The following ADORA2B variants were observed in gnomAD, a reference collection of about 807,000 sequenced individuals.
ADORA2B encodes adenosine receptor A2b.
A neutral mutation model predicts 20.8 loss-of-function variants in ADORA2B; 18 were observed. The observed-to-expected ratio is 0.87, with a 90% CI of 0.60 to 1.29. The LOEUF (loss-of-function observed/expected upper bound fraction) is 1.29. Among genes scored for constraint, ADORA2B ranks in the 50% most tolerant of loss-of-function variants. ADORA2B has a pLI of 0.00. For synonymous variants in ADORA2B, 179 were observed against 178.3 expected, an observed-to-expected ratio of 1.00 and a Z score of -0.03; for missense variants, 441 against 422.7, an observed-to-expected ratio of 1.04 and a Z score of -0.38.
In ADORA2B at chr17:15,975,461, G is replaced by A; in HGVS notation, c.*119G>A. The A allele has an allele frequency of 9.5e-7, 1 of 1,050,028 alleles. No homozygotes were observed. The highest frequency in any genetic ancestry group is 2.5e-5 in the Admixed American group (1 of 40,174). 65.0% of individuals were successfully genotyped at this position (1,050,028 alleles called of 1,614,324 possible). ...CAAGGAAATGGACTGCCTCTCTTGA[G>A]CACTTCCCTGGAGCTACCACGTATC... On this transcript the variant is annotated 3_prime_UTR_variant, in exon 2 of 2. Transcript: ENST00000304222.
At chr17:15,909,187 A>G in the ADORA2B span, among the ~76,000 whole-genome samples, 3 of 126,264 alleles carry the variant, frequency 2.4e-5, no homozygotes, top group African/African-American at 1.2e-4. Flanking sequence ...GAGCGAGACT[A>G]CGTCTCTAAA....
the ADORA2B span, among the ~76,000 whole-genome samples, chr17:15,902,095 C>A: frequency 6.6e-6 from 1 of 152,276 alleles, no homozygotes; most frequent in African/African-American, 2.4e-5. Flanking sequence ...TCTGACTACT[C>A]TAGTACCTCA....
chr17:15,912,988 A>G, the ADORA2B span, among the ~76,000 whole-genome samples: 4 of 152,204 alleles, frequency 2.6e-5, no homozygotes, highest in South Asian at 4.1e-4. Context: ...GATTCGTCAG[A>G]TGGTGATGGA....
At chr17:15,892,524 C>T in the ADORA2B span, among the ~76,000 whole-genome samples, 2 of 152,096 alleles carry the variant, frequency 1.3e-5, no homozygotes, top group African/African-American at 2.4e-5. Flanking sequence ...TCAAGTGATC[C>T]GACTGACTCG....
chr17:15,947,221 C>T (rs981538262), intron 1 of ADORA2B, among the ~76,000 whole-genome samples: 1 of 152,146 alleles, frequency 6.6e-6, no homozygotes, highest in Non-Finnish European at 1.5e-5. Flanking sequence ...TTGGTGTCAT[C>T]GTTGTTACTT....
At chr17:15,867,678 C>T in the ADORA2B span, among the ~76,000 whole-genome samples, 4 of 148,176 alleles carry the variant, frequency 2.7e-5, no homozygotes, top group African/African-American at 7.6e-5. Flanking sequence ...GTGGGGAGGT[C>T]AGCCCCCCGC....
At chr17:15,880,266 G>A in the ADORA2B span, among the ~76,000 whole-genome samples, 6,751 of 129,626 alleles carry the variant, frequency 0.052, 732 homozygotes, top group African/African-American at 0.19. Context: ...AGATTATGTC[G>A]AACCATACAT....
the ADORA2B span, among the ~76,000 whole-genome samples, chr17:15,932,826 A>G: frequency 6.6e-6 from 1 of 152,150 alleles, no homozygotes; most frequent in Non-Finnish European, 1.5e-5. Context: ...TTATGCCAGC[A>G]CCACATTGTG....
the ADORA2B span, among the ~76,000 whole-genome samples, chr17:15,885,888 A>T: frequency 6.6e-6 from 1 of 152,014 alleles, no homozygotes; most frequent in South Asian, 2.1e-4. Context: ...TGCTTTAATG[A>T]GAGAAGGAGG....
rs373591051 is a variant in ADORA2B, at chr17:15,974,853, G to C, written c.510G>C (p.Lys170Asn). 23 of 1,614,044 alleles carry C rather than the reference G, an allele frequency of 1.4e-5. No individual in the cohort carries two copies. In the African/African-American group the frequency reaches 2.8e-4, roughly 20 times the overall value. The change falls in exon 2 of 2, where the codon AAG becomes AAC. Residue 170 changes from lysine to asparagine, a missense_variant. By Grantham distance (94) the Lys-to-Asn change is moderately conservative. Coordinates refer to ENST00000304222, the MANE Select transcript of ADORA2B (RefSeq NM_000676.4). The stretch of plus-strand genomic sequence containing the variant: ...CGAATGAAAGCTGCTGCCTTGTGAA[G>C]TGTCTCTTTGAGAATGTGGTCCCCA... ...GTTNESCCLV[K>N]CLFENVVPMS...
the ADORA2B span, among the ~76,000 whole-genome samples, chr17:15,923,289 A>G: frequency 1.4e-5 from 2 of 144,416 alleles, no homozygotes; most frequent in Non-Finnish European, 3.0e-5. Flanking sequence ...ACCTCAGGTG[A>G]TCCACCCACC....
intron 1 of ADORA2B, among the ~76,000 whole-genome samples, chr17:15,950,554 C>G (rs1412074784): frequency 6.6e-6 from 1 of 152,212 alleles, no homozygotes; most frequent in African/African-American, 2.4e-5. Context: ...CGAGCAGTCA[C>G]TTCCCGGACC....
chr17:15,921,105 C>T, the ADORA2B span, among the ~76,000 whole-genome samples: 1 of 152,238 alleles, frequency 6.6e-6, no homozygotes, highest in African/African-American at 2.4e-5. Context: ...TGAGTTTTAT[C>T]ATCCATCTCC....
upstream of ADORA2B, among the ~76,000 whole-genome samples, chr17:15,944,735 G>A (rs969735056): frequency 6.6e-6 from 1 of 152,108 alleles, no homozygotes; most frequent in Non-Finnish European, 1.5e-5. The surrounding 1 kb of genome is among the most constrained non-coding windows in gnomAD (Gnocchi z 4.8). Flanking sequence ...GGTGCGCAGG[G>A]TTAGCCTGGA....
the ADORA2B span, among the ~76,000 whole-genome samples, chr17:15,905,697 C>A: frequency 6.6e-6 from 1 of 151,126 alleles, no homozygotes; most frequent in Non-Finnish European, 1.5e-5. Flanking sequence ...GATCTGTTGC[C>A]CAGGTTGGAG....
the ADORA2B span, among the ~76,000 whole-genome samples, chr17:15,853,122 A>G: frequency 1.1e-4 from 16 of 152,288 alleles, no homozygotes; most frequent in African/African-American, 3.6e-4. Flanking sequence ...CAAAGGGAAA[A>G]AAGAAACCTT....
chr17:15,851,947 A>G, the ADORA2B span, among the ~76,000 whole-genome samples: 1 of 152,242 alleles, frequency 6.6e-6, no homozygotes, highest in Non-Finnish European at 1.5e-5. Flanking sequence ...AATTTTAAAG[A>G]TTAAGTAAAT....
chr17:15,901,587 C>G, the ADORA2B span, among the ~76,000 whole-genome samples: 1 of 151,992 alleles, frequency 6.6e-6, no homozygotes, highest in African/African-American at 2.4e-5. Flanking sequence ...ATTTATTGAA[C>G]CCTCATGGAG....
chr17:15,957,052 G>C (rs997229277), intron 1 of ADORA2B, among the ~76,000 whole-genome samples: 1 of 152,148 alleles, frequency 6.6e-6, no homozygotes, highest in Non-Finnish European at 1.5e-5. Context: ...AGGAATGGAC[G>C]GGACAAGATG....
Sources: gnomAD v4.1 joint callset for allele counts (sites outside exome capture counted in the v4.1 genomes callset) on GRCh38, gnomAD v4.1.1 for gene constraint, Gnocchi (gnomAD v3.1) non-coding constraint, MANE v1.5 for transcripts, NCBI Gene and HGNC (gene_info 2026-07-23, HGNC 2026-07-21) for gene names.